Variants in TBC1D2B observed in about 807,000 individuals in gnomAD.
TBC1D2B encodes the protein TBC1 domain family member 2B, also known as TBC1 domain family, member 2B.
In TBC1D2B, 64 loss-of-function variants were observed where a neutral mutation model predicts 100.8. The ratio of observed to expected loss-of-function variants is 0.64; its 90% confidence interval spans 0.52 to 0.78. The LOEUF (loss-of-function observed/expected upper bound fraction) is 0.78. TBC1D2B is among the 30% of genes least tolerant of loss of function. The pLI is 0.00. For missense variants in TBC1D2B, 1,052 were observed against 1,218.4 expected, an observed-to-expected ratio of 0.86 and a Z score of 2.03; for synonymous variants, 480 against 479.7, an observed-to-expected ratio of 1.00 and a Z score of -0.01.
At chr15:78,065,535 G>C (rs1449280869) in intron 1 of TBC1D2B, among the ~76,000 whole-genome samples, 1 of 152,186 alleles carries the variant, frequency 6.6e-6, no homozygotes, top group Non-Finnish European at 1.5e-5. Flanking sequence ...GGGAGCACGA[G>C]GCCTCCAAGT....
Position 78,073,555 on chromosome 15 carries a change from A to G in TBC1D2B, c.360+3738T>C, listed in dbSNP as rs138791436. ...AAAGTGAAACATTAAGGCTTAAGGG[A>G]ATCAGTTCTTGCATTTGAAAGACGA... On this transcript the variant is annotated intron_variant, in intron 1 of 12. Coordinates refer to ENST00000300584, the MANE Select transcript of TBC1D2B (RefSeq NM_144572.2). Among the ~76,000 whole-genome samples the G allele has an allele frequency of 9.9e-3, 1,512 of 152,324 alleles. 22 individuals are homozygous for G. The highest frequency in any genetic ancestry group is 0.034 in the African/African-American group (1,430 of 41,556).
rs772721099 is a variant in TBC1D2B, at chr15:78,024,285, G to A, written c.1341C>T (p.Ile447=). The A allele has an allele frequency of 2.5e-6, 4 of 1,614,054 alleles. No individual in the cohort carries two copies. Among genetic ancestry groups the A allele is most frequent in the Non-Finnish European group, 3.4e-6 (4 of 1,179,904 alleles). Residue 447 remains isoleucine (I), a synonymous_variant, in exon 6 of 13, where the codon ATC becomes ATT. Transcript: ENST00000300584. ...NEQLGMLMET[I]QAKDEVIIKL... ...TGATGATGACCTCGTCCTTGGCTTG[G>A]ATGGTCTCCATGAGCATTCCCAGCT...
chr15:78,044,245 C>T lies in TBC1D2B; in HGVS notation c.683+655G>A, dbSNP rs374223774. ...ATATACCAAAAATCATTGAATTGTA[C>T]ATTTTAAATGGGTGAATTGTACAGT... On this transcript the variant is annotated intron_variant, in intron 3 of 12. Coordinates refer to ENST00000300584, the MANE Select transcript of TBC1D2B (RefSeq NM_144572.2). Among the ~76,000 whole-genome samples, 3 of 152,262 alleles carry T rather than the reference C, an allele frequency of 2.0e-5. No homozygotes were observed. The East Asian group carries it at 5.8e-4, about 29-fold the overall frequency.
At chr15:78,036,235 T>G (rs1243830406) in intron 3 of TBC1D2B, among the ~76,000 whole-genome samples, 2 of 152,218 alleles carry the variant, frequency 1.3e-5, no homozygotes, top group Non-Finnish European at 2.9e-5. Context: ...CAGCAATGAT[T>G]GATTTTTCTT....
At chr15:78,056,129 T>A (rs940280977) in intron 1 of TBC1D2B, among the ~76,000 whole-genome samples, 1 of 152,228 alleles carries the variant, frequency 6.6e-6, no homozygotes, top group African/African-American at 2.4e-5. Context: ...CAGTATTTAC[T>A]GAATACATAT....
At chr15:78,041,815 G>A (rs1382403787) in intron 3 of TBC1D2B, among the ~76,000 whole-genome samples, 10 of 152,204 alleles carry the variant, frequency 6.6e-5, no homozygotes, top group Admixed American at 6.5e-4. Flanking sequence ...GTCATGAGCT[G>A]TGCCTCCACC....
chr15:78,013,387 TAGAG>T (rs796635873), intron 8 of TBC1D2B, 70 bp from the exon 9 acceptor site: 5 of 1,402,066 alleles, frequency 3.6e-6, no homozygotes, highest in Admixed American at 2.6e-5. Context: ...GCAACAGAAA[TAGAG>T]AGTCTAGAAA....
intron 1 of TBC1D2B, among the ~76,000 whole-genome samples, chr15:78,074,063 G>A (rs542656525): frequency 2.0e-5 from 3 of 151,464 alleles, no homozygotes; most frequent in African/African-American, 7.3e-5. Context: ...TCACTCTGTC[G>A]CTCAGGCTGG....
intron 3 of TBC1D2B, among the ~76,000 whole-genome samples, chr15:78,040,884 G>A (rs28465363): frequency 0.55 from 41,730 of 75,536 alleles, 11,354 homozygotes; most frequent in East Asian, 0.69. Flanking sequence ...GAAAGAAAGA[G>A]AGAGAGAGAG....
chr15:78,018,390 G>A (rs928327081), intron 6 of TBC1D2B, among the ~76,000 whole-genome samples: 12 of 151,840 alleles, frequency 7.9e-5, no homozygotes, highest in South Asian at 2.1e-4. Context: ...TCCAGTTTAC[G>A]TAAAAAAAGT....
At position 78,077,561 on chromosome 15, in the gene TBC1D2B, G is replaced by C; in HGVS notation, c.92C>G (p.Ala31Gly). ...GAAAEPGAGP[A>G]REPARLCGYL... ...GCCACACAGCCGCGCTGGCTCCCGC[G>C]CCGGACCCGCCCCGGGCTCCGCGGC... Residue 31 changes from alanine to glycine, a missense_variant, in exon 1 of 13, where the codon GCG becomes GGG. Physicochemically the swap from Ala to Gly is moderately conservative, Grantham distance 60. Coordinates refer to ENST00000300584, the MANE Select transcript of TBC1D2B (RefSeq NM_144572.2). The C allele has an allele frequency of 6.9e-7, 1 of 1,446,296 alleles. No individual in the cohort carries two copies. The highest frequency in any genetic ancestry group is 1.5e-5 in the African/African-American group (1 of 67,604). The allele number at this position is 1,446,296 out of a possible 1,614,324, so 89.6% of individuals were successfully genotyped here. A position where few individuals can be genotyped will look rare whatever the true frequency, so the allele number is the denominator to read the frequency against.
chr15:78,034,680 G>A (rs545553458), intron 3 of TBC1D2B: 52 of 985,402 alleles, frequency 5.3e-5, no homozygotes, highest in East Asian at 1.1e-4. Flanking sequence ...GTACGCTGCC[G>A]TGCTCTCACC....
At chr15:78,071,623 G>T (rs898390836) in intron 1 of TBC1D2B, among the ~76,000 whole-genome samples, 1 of 152,150 alleles carries the variant, frequency 6.6e-6, no homozygotes, top group African/African-American at 2.4e-5. Flanking sequence ...TAAATTCAGT[G>T]GGCATTCACT....
intron 2 of TBC1D2B, among the ~76,000 whole-genome samples, chr15:78,050,090 G>A (rs960535898): frequency 1.2e-4 from 19 of 152,182 alleles, no homozygotes; most frequent in Admixed American, 8.5e-4. Flanking sequence ...CTGCCAACGC[G>A]GGGCCTGCAT....
intron 9 of TBC1D2B, among the ~76,000 whole-genome samples, chr15:78,009,871 A>G (rs1023093750): frequency 1.3e-5 from 2 of 150,126 alleles, no homozygotes; most frequent in African/African-American, 4.9e-5. Context: ...GCTACCTGGG[A>G]GGCTGAGGCA....
chr15:77,997,875 C>A lies in TBC1D2B; in HGVS notation c.*285G>T, dbSNP rs1019672992. On this transcript the variant is annotated 3_prime_UTR_variant, in exon 13 of 13. Coordinates refer to ENST00000300584, the MANE Select transcript of TBC1D2B (RefSeq NM_144572.2). ...CAGGCTGACGGAGGCTGGAAACAGG[C>A]TCTTGCAAATAGCCACTGGTAAGCC... 5.0e-4 allele frequency: 149 copies of A among 296,624 alleles called. No individual in the cohort carries two copies. The highest frequency in any genetic ancestry group is 6.1e-4 in the Non-Finnish European group (98 of 160,704). The allele number at this position is 296,624 out of a possible 1,614,324, so 18.4% of individuals were successfully genotyped here.
chr15:78,004,271 G>T (rs2072004014), intron 10 of TBC1D2B, among the ~76,000 whole-genome samples: 1 of 152,196 alleles, frequency 6.6e-6, no homozygotes, highest in African/African-American at 2.4e-5. Context: ...AGAAGGGAAG[G>T]CCAGACACGT....
intron 10 of TBC1D2B, among the ~76,000 whole-genome samples, chr15:78,006,501 C>T (rs1189125018): frequency 6.6e-6 from 1 of 152,244 alleles, no homozygotes; most frequent in Admixed American, 6.5e-5. Context: ...CTGAAGGGGG[C>T]AGCTGTGGCG....
At chr15:78,052,006 A>G (rs901918598) in intron 2 of TBC1D2B, among the ~76,000 whole-genome samples, 10 of 152,180 alleles carry the variant, frequency 6.6e-5, no homozygotes, top group African/African-American at 2.4e-4. Flanking sequence ...TATCTATAAA[A>G]TCTTCAAAGG....
Sources: allele counts gnomAD v4.1 joint callset (sites outside exome capture counted in the v4.1 genomes callset), GRCh38; gene constraint gnomAD v4.1.1; transcripts MANE v1.5; gene names NCBI Gene and HGNC (gene_info 2026-07-23, HGNC 2026-07-21).